Variants in TLR2 observed in about 807,000 individuals in gnomAD.
TLR2 encodes toll like receptor 2, also known as toll-like receptor 2.
Under a neutral mutation model 9.1 loss-of-function variants are expected in TLR2, and 7 were observed. The ratio of observed to expected loss-of-function variants is 0.77; its 90% confidence interval spans 0.44 to 1.44. The LOEUF (loss-of-function observed/expected upper bound fraction) is 1.44. TLR2 is among the 40% of genes most tolerant of loss of function. The pLI, the probability that TLR2 is intolerant of heterozygous loss-of-function variation, is 0.01. For missense variants in TLR2, 812 were observed against 904.6 expected (o/e 0.90, Z 1.31); for synonymous variants, 317 against 344.6 (o/e 0.92, Z 0.89).
At chr4:153,689,251 C>T (rs1413157992) in intron 2 of TLR2, among the ~76,000 whole-genome samples, 1 of 152,180 alleles carries the variant, frequency 6.6e-6, no homozygotes, top group East Asian at 1.9e-4. Context: ...ATAGTTTCCA[C>T]AAATCCTTAT....
downstream of TLR2, chr4:153,710,410 C>T (rs1465785474): frequency 6.4e-7 from 1 of 1,573,584 alleles, no homozygotes; most frequent in South Asian, 1.2e-5. Flanking sequence ...TGAACTATTC[C>T]TATCACCACA....
intron 1 of TLR2, among the ~76,000 whole-genome samples, chr4:153,685,910 A>G (rs1185162008): frequency 6.6e-6 from 1 of 152,230 alleles, no homozygotes; most frequent in Non-Finnish European, 1.5e-5. Flanking sequence ...TTTACAAAGA[A>G]CAGAAATTTA....
rs762456634 is a variant in TLR2, at chr4:153,703,992, T to C, written c.1085T>C (p.Leu362Ser). 3.2e-5 allele frequency: 52 copies of C among 1,613,268 alleles called. No individual in the cohort carries two copies. The highest frequency in any genetic ancestry group is 3.3e-4 in the Middle Eastern group (2 of 6,082). ...TTACTTTCACAACATTTAAAATCAT[T>C]AGAATACTTGGATCTCAGTGAAAAT... ...PCLLSQHLKSLEYLDLSENLM... is the reference protein window; with the variant it reads ...PCLLSQHLKSSEYLDLSENLM... The change falls in exon 3 of 3, where the codon TTA becomes TCA. Residue 362 changes from leucine to serine, a missense_variant. Coordinates refer to ENST00000642700, the MANE Select transcript of TLR2 (RefSeq NM_001318789.2).
At chr4:153,690,260 T>C (rs1338116872) in intron 2 of TLR2, among the ~76,000 whole-genome samples, 1 of 152,250 alleles carries the variant, frequency 6.6e-6, no homozygotes, top group Non-Finnish European at 1.5e-5. Flanking sequence ...TTCAGTTGTA[T>C]ATGGGGTGTC....
chr4:153,685,365 G>T (rs1466543513), intron 1 of TLR2, among the ~76,000 whole-genome samples: 25 of 152,154 alleles, frequency 1.6e-4, no homozygotes, highest in Admixed American at 1.6e-3. Flanking sequence ...GGTGGGTGGG[G>T]GCGGAGAAAG....
chr4:153,685,375 GAGA>G (rs903244847), intron 1 of TLR2, among the ~76,000 whole-genome samples: 2 of 152,204 alleles, frequency 1.3e-5, no homozygotes, highest in African/African-American at 4.8e-5. Flanking sequence ...GGCGGAGAAA[GAGA>G]AGGAGAGTAA....
chr4:153,693,550 A>G (rs2127030187), intron 2 of TLR2, among the ~76,000 whole-genome samples: 1 of 152,262 alleles, frequency 6.6e-6, no homozygotes, highest in Non-Finnish European at 1.5e-5. Flanking sequence ...TCCTCTGGAA[A>G]AGAAAGATCT....
At chr4:153,692,018 A>G (rs939914567) in intron 2 of TLR2, among the ~76,000 whole-genome samples, 2 of 152,218 alleles carry the variant, frequency 1.3e-5, no homozygotes, top group African/African-American at 2.4e-5. Flanking sequence ...TTTTACGAGT[A>G]GGTTCAATTG....
At position 153,703,269 on chromosome 4, in the gene TLR2, A is replaced by G. The variant is rs1560750302; in HGVS notation, c.362A>G (p.Lys121Arg). The G allele has an allele frequency of 1.9e-6, 3 of 1,613,308 alleles. No individual in the cohort carries two copies. The Admixed American group carries it at 5.0e-5, about 27-fold the overall frequency. The change falls in exon 3 of 3, where the codon AAG (lysine) becomes AGG (arginine). Residue 121 changes from lysine (K) to arginine (R), a missense_variant. Coordinates refer to ENST00000642700, the MANE Select transcript of TLR2 (RefSeq NM_001318789.2). ...YLSNLSSSWF[K>R]PLSSLTFLNL... is the part of the protein sequence containing the mutation. The stretch of plus-strand genomic sequence containing the variant: ...TCTAATTTATCGTCTTCCTGGTTCA[A>G]GCCCCTTTCTTCTTTAACATTCTTA...
intron 2 of TLR2, among the ~76,000 whole-genome samples, chr4:153,701,250 TG>T (rs1396325016): frequency 6.6e-6 from 1 of 152,206 alleles, no homozygotes; most frequent in Non-Finnish European, 1.5e-5. Flanking sequence ...GACTAAGTCA[TG>T]AGGGGTCTTT....
chr4:153,701,791 C>T (rs756785238), intron 2 of TLR2: 7 of 150,254 alleles, frequency 4.7e-5, no homozygotes, highest in South Asian at 2.1e-4. Context: ...AGAGGGAATG[C>T]GAAGCAGTGG....
At chr4:153,697,572 C>G (rs182000715) in intron 2 of TLR2, among the ~76,000 whole-genome samples, 7 of 152,150 alleles carry the variant, frequency 4.6e-5, no homozygotes, top group Admixed American at 3.9e-4. Context: ...ATATTTTAAA[C>G]CTTTTGATAT....
At chr4:153,696,831 C>A (rs564035407) in intron 2 of TLR2, among the ~76,000 whole-genome samples, 8 of 149,654 alleles carry the variant, frequency 5.3e-5, no homozygotes, top group African/African-American at 2.0e-4. Flanking sequence ...GAGTTTGAGA[C>A]CAGCTGGGGC....
chr4:153,686,099 A>G (rs1226771467), intron 1 of TLR2, among the ~76,000 whole-genome samples: 1 of 152,218 alleles, frequency 6.6e-6, no homozygotes, highest in Admixed American at 6.5e-5. Flanking sequence ...TGGTGATAAC[A>G]TTAATCCATT....
chr4:153,700,250 C>A (rs1217329029), intron 2 of TLR2, among the ~76,000 whole-genome samples: 1 of 152,154 alleles, frequency 6.6e-6, no homozygotes, highest in Admixed American at 6.5e-5. Context: ...ACCTTCAACA[C>A]TGGGGATCAC....
At chr4:153,685,630 G>A (rs1266028715) in intron 1 of TLR2, among the ~76,000 whole-genome samples, 1 of 152,166 alleles carries the variant, frequency 6.6e-6, no homozygotes, top group Non-Finnish European at 1.5e-5. Context: ...ACATCTTTAA[G>A]TTCTTTATAA....
At chr4:153,707,203 G>T (rs373600609), downstream of TLR2, among the ~76,000 whole-genome samples, 1 of 152,060 alleles carries the variant, frequency 6.6e-6, no homozygotes, top group Non-Finnish European at 1.5e-5. Flanking sequence ...TGGGGAACTC[G>T]CATAGGGCTG....
intron 2 of TLR2, among the ~76,000 whole-genome samples, chr4:153,693,815 T>C (rs148248740): frequency 0.055 from 8,372 of 152,246 alleles, 613 homozygotes; most frequent in African/African-American, 0.17. Context: ...ACCATGGGGA[T>C]TGCTTAAGAG....
At chr4:153,690,224 A>C (rs1334486167) in intron 2 of TLR2, among the ~76,000 whole-genome samples, 1 of 152,214 alleles carries the variant, frequency 6.6e-6, no homozygotes, top group Non-Finnish European at 1.5e-5. Context: ...GGCAGGCTCA[A>C]AAAATTTAAA....
Sources: allele counts gnomAD v4.1 joint callset (sites outside exome capture counted in the v4.1 genomes callset), GRCh38; gene constraint gnomAD v4.1.1; transcripts MANE v1.5; gene names NCBI Gene and HGNC (gene_info 2026-07-23, HGNC 2026-07-21).